Variants in GRIA2 observed in about 807,000 individuals in gnomAD.
GRIA2 encodes the protein glutamate ionotropic receptor AMPA type subunit 2, also known as glutamate receptor 2.
A neutral mutation model predicts 97.3 loss-of-function variants in GRIA2; 14 were observed. That is an observed-to-expected ratio of 0.14 (90% CI 0.10 to 0.23). GRIA2 has a LOEUF of 0.23. Ranked by LOEUF, GRIA2 falls within the 10% of genes least tolerant of loss-of-function variation. The pLI is 1.00. For missense variants in GRIA2, 558 were observed against 1,069.8 expected (o/e 0.52, Z 6.67); for synonymous variants, 412 against 387.8 (o/e 1.06, Z -0.73).
intron 2 of GRIA2, among the ~76,000 whole-genome samples, chr4:157,245,330 T>C (rs1324510561): frequency 6.6e-6 from 1 of 152,018 alleles, no homozygotes; most frequent in Non-Finnish European, 1.5e-5. Context: ...CTACCTTGCT[T>C]GTGGAAAAAA....
intron 2 of GRIA2, among the ~76,000 whole-genome samples, chr4:157,285,557 TTGTG>T (rs149477258): frequency 2.2e-4 from 33 of 147,326 alleles, no homozygotes; most frequent in East Asian, 5.9e-4. Context: ...CCTATAATAT[TTGTG>T]TGTGTGTGTG....
In GRIA2 at chr4:157,361,160, T is replaced by C. The variant is rs368568653; in HGVS notation, c.2406+36T>C. 28 of 1,479,526 alleles carry C rather than the reference T, an allele frequency of 1.9e-5. No homozygotes were observed. The highest frequency in any genetic ancestry group is 2.6e-5 in the Non-Finnish European group (28 of 1,058,206). 91.6% of individuals were successfully genotyped at this position (1,479,526 alleles called of 1,614,324 possible). On this transcript the variant is annotated intron_variant, in intron 14 of 15. Coordinates refer to ENST00000264426, the MANE Select transcript of GRIA2 (RefSeq NM_001083619.3). The surrounding 1 kb of genome is among the most constrained non-coding windows in gnomAD (Gnocchi z 5.2). ...GTGAGAAAAGTAATGGGTAACTCAA[T>C]GCAAAACAAAGTAAGCAGCAGCTAT...
chr4:157,222,166 T>C (rs1299278830), intron 2 of GRIA2, among the ~76,000 whole-genome samples: 1 of 152,068 alleles, frequency 6.6e-6, no homozygotes, highest in Non-Finnish European at 1.5e-5. Context: ...GAGCGCCTGT[T>C]GGCACCCTGC....
In GRIA2 at chr4:157,221,008, A is replaced by C; in HGVS notation, c.-35A>C. 2 of 992,852 alleles carry C rather than the reference A, an allele frequency of 2.0e-6. No homozygotes were observed. The highest frequency in any genetic ancestry group is 4.8e-5 in the East Asian group (2 of 42,074). The allele number at this position is 992,852 out of a possible 1,614,324, so 61.5% of individuals were successfully genotyped here. On this transcript the variant is annotated 5_prime_UTR_variant, in exon 1 of 16. Transcript: ENST00000264426. ...GGAAGAGGAGGAAAAGGAAAAAAAA[A>C]GGGGTATATTGTGGATGCTCTACTT...
chr4:157,230,349 T>A (rs2126690445), intron 2 of GRIA2, among the ~76,000 whole-genome samples: 1 of 152,250 alleles, frequency 6.6e-6, no homozygotes, highest in East Asian at 1.9e-4. Flanking sequence ...AGGGAAAATA[T>A]TTTTTTCCTT....
intron 6 of GRIA2, among the ~76,000 whole-genome samples, chr4:157,328,987 TGAAGTTTCAAAGG>T (rs1324996220): frequency 6.6e-6 from 1 of 152,020 alleles, no homozygotes; most frequent in African/African-American, 2.4e-5. Flanking sequence ...CTTTATGCAG[TGAAGTTTCAAAGG>T]GCACATATTC....
chr4:157,260,216 A>G (rs1731466364), intron 2 of GRIA2, among the ~76,000 whole-genome samples: 1 of 152,096 alleles, frequency 6.6e-6, no homozygotes, highest in Non-Finnish European at 1.5e-5. Context: ...TGGCCTTGTC[A>G]TTCATTCTCT....
intron 4 of GRIA2, 92 bp from the exon 5 acceptor site, chr4:157,317,566 C>T (rs970730066): frequency 1.2e-5 from 6 of 497,470 alleles, no homozygotes; most frequent in Admixed American, 7.1e-5. Flanking sequence ...AGATAAAATT[C>T]CACGTTTTTC....
At position 157,334,117 on chromosome 4, in the gene GRIA2, T is replaced by C. The variant is rs1296512816; in HGVS notation, c.1263T>C (p.Ile421=). 3 of 1,521,050 alleles carry C rather than the reference T, an allele frequency of 2.0e-6. No homozygotes were observed. Among genetic ancestry groups the C allele is most frequent in the Non-Finnish European group, 2.7e-6 (3 of 1,095,640 alleles). The allele number at this position is 1,521,050 out of a possible 1,614,324, so 94.2% of individuals were successfully genotyped here. The change falls in exon 9 of 16, where the codon ATT becomes ATC. Residue 421 remains isoleucine, a synonymous_variant. Transcript: ENST00000264426. ...ATAAGACTGTTGTTGTCACCACAAT[T>C]TTGGTAATTTGCTACATATGCCATG... ...LENKTVVVTT[I]LESPYVMMKK... is the part of the protein sequence containing the mutation.
At chr4:157,240,846 C>T (rs1730475641) in intron 2 of GRIA2, among the ~76,000 whole-genome samples, 1 of 151,934 alleles carries the variant, frequency 6.6e-6, no homozygotes. Flanking sequence ...TCTCCCAATG[C>T]TATCCCTCCC....
At chr4:157,333,092 C>A in intron 7 of GRIA2, 106 bp downstream of exon 7, 1 of 1,004,816 alleles carries the variant, frequency 1.0e-6, no homozygotes, top group Non-Finnish European at 1.5e-6. Flanking sequence ...AATATACAGG[C>A]AATGTTCTTT....
chr4:157,316,850 G>A (rs1333739519), intron 4 of GRIA2, among the ~76,000 whole-genome samples: 1 of 152,146 alleles, frequency 6.6e-6, no homozygotes, highest in Non-Finnish European at 1.5e-5. Context: ...ACATTTGAAT[G>A]TCCCTGTACC....
At chr4:157,285,897 T>A (rs1732820566) in intron 2 of GRIA2, among the ~76,000 whole-genome samples, 1 of 151,502 alleles carries the variant, frequency 6.6e-6, no homozygotes, top group African/African-American at 2.4e-5. Flanking sequence ...ACATTTATAT[T>A]TGAGGAGAGT....
At chr4:157,248,424 C>T (rs1453466728) in intron 2 of GRIA2, among the ~76,000 whole-genome samples, 1 of 147,952 alleles carries the variant, frequency 6.8e-6, no homozygotes, top group East Asian at 2.0e-4. Flanking sequence ...AAAATTAGGC[C>T]GGTGTGGTGG....
chr4:157,267,432 T>G (rs1414026909), intron 2 of GRIA2, among the ~76,000 whole-genome samples: 1 of 151,598 alleles, frequency 6.6e-6, no homozygotes, highest in Non-Finnish European at 1.5e-5. Flanking sequence ...ACTTTGAATC[T>G]TTAATGTGGG....
intron 3 of GRIA2, among the ~76,000 whole-genome samples, chr4:157,309,015 A>C (rs1733958630): frequency 6.6e-6 from 1 of 152,294 alleles, no homozygotes; most frequent in East Asian, 1.9e-4. Context: ...TACTGAAAAA[A>C]AACCACCTAG....
intron 11 of GRIA2, among the ~76,000 whole-genome samples, chr4:157,338,204 C>A (rs1353175329): frequency 6.6e-6 from 1 of 151,434 alleles, no homozygotes; most frequent in Non-Finnish European, 1.5e-5. Flanking sequence ...GGAGAACATT[C>A]TGACCCATAA....
intron 2 of GRIA2, among the ~76,000 whole-genome samples, chr4:157,289,392 A>G (rs1250207916): frequency 6.6e-6 from 1 of 151,894 alleles, no homozygotes; most frequent in African/African-American, 2.4e-5. Context: ...ACAATTGTCT[A>G]GAGTATCAAA....
At chr4:157,296,227 A>G (rs1016107685) in intron 2 of GRIA2, among the ~76,000 whole-genome samples, 3 of 152,166 alleles carry the variant, frequency 2.0e-5, no homozygotes, top group African/African-American at 7.2e-5. Context: ...AGGAGAATGA[A>G]TTAACTACAT....
Sources: allele counts gnomAD v4.1 joint callset (sites outside exome capture counted in the v4.1 genomes callset), GRCh38; gene constraint gnomAD v4.1.1; non-coding constraint Gnocchi (gnomAD v3.1); transcripts MANE v1.5; gene names NCBI Gene and HGNC (gene_info 2026-07-23, HGNC 2026-07-21).